SIPA1L1: variants seen among roughly 807,000 people sequenced by gnomAD.
SIPA1L1 encodes signal induced proliferation associated 1 like 1, also known as signal-induced proliferation-associated 1-like protein 1.
In SIPA1L1, 26 loss-of-function variants were observed where a neutral mutation model predicts 162.7. The observed-to-expected ratio is 0.16, with a 90% confidence interval of 0.12 to 0.22. The LOEUF is 0.22. Ranked by LOEUF, SIPA1L1 falls within the 10% of genes least tolerant of loss-of-function variation. The probability of loss-of-function intolerance (pLI) is 1.00; values close to 1 mark genes in which losing one functional copy is unlikely to be tolerated. For missense variants in SIPA1L1, 1,874 were observed against 2,241.0 expected, an observed-to-expected ratio of 0.84 and a Z score of 3.31; for synonymous variants, 829 against 837.4, an observed-to-expected ratio of 0.99 and a Z score of 0.17.
intron 2 of SIPA1L1, among the ~76,000 whole-genome samples, chr14:71,364,430 G>C (rs543208916): frequency 2.6e-5 from 4 of 151,910 alleles, no homozygotes; most frequent in African/African-American, 9.7e-5. Flanking sequence ...CATGACTGTC[G>C]TATAAATGGA....
chr14:71,446,142 C>T (rs1315366919), intron 2 of SIPA1L1, among the ~76,000 whole-genome samples: 4 of 152,142 alleles, frequency 2.6e-5, no homozygotes, highest in Non-Finnish European at 5.9e-5. Context: ...AGACACCATG[C>T]CTGGCTCACA....
intron 7 of SIPA1L1, among the ~76,000 whole-genome samples, chr14:71,646,821 C>T (rs2042212482): frequency 6.6e-6 from 1 of 151,834 alleles, no homozygotes. Context: ...GTCATCATAA[C>T]TCTATTTTGA....
At chr14:71,681,369 G>T (rs2045792226) in intron 12 of SIPA1L1, among the ~76,000 whole-genome samples, 1 of 152,176 alleles carries the variant, frequency 6.6e-6, no homozygotes, top group Non-Finnish European at 1.5e-5. Context: ...GTTCTGGATG[G>T]TATTGCATAG....
chr14:71,495,403 A>G (rs920719093), intron 2 of SIPA1L1, among the ~76,000 whole-genome samples: 11 of 151,238 alleles, frequency 7.3e-5, no homozygotes, highest in African/African-American at 2.7e-4. Context: ...ATTTGATGGC[A>G]TACTGTTTTT....
At chr14:71,473,389 G>A (rs2047615928) in intron 2 of SIPA1L1, among the ~76,000 whole-genome samples, 1 of 152,046 alleles carries the variant, frequency 6.6e-6, no homozygotes, top group Non-Finnish European at 1.5e-5. Context: ...CCAAGACAGT[G>A]GAACAAAGTG....
At chr14:71,666,596 G>A in intron 10 of SIPA1L1, among the ~76,000 whole-genome samples, 1 of 152,176 alleles carries the variant, frequency 6.6e-6, no homozygotes, top group Non-Finnish European at 1.5e-5. Flanking sequence ...ATATTAAACT[G>A]TGGTCAGTAG....
At chr14:71,400,456 G>T (rs1035105268) in intron 2 of SIPA1L1, among the ~76,000 whole-genome samples, 1 of 151,888 alleles carries the variant, frequency 6.6e-6, no homozygotes, top group Non-Finnish European at 1.5e-5. Context: ...TTCATGCTTT[G>T]CAAAGGAGCA....
At chr14:71,432,159 C>T (rs2044038069) in intron 2 of SIPA1L1, among the ~76,000 whole-genome samples, 2 of 152,098 alleles carry the variant, frequency 1.3e-5, no homozygotes, top group Admixed American at 6.6e-5. Context: ...ACTGCAGCCT[C>T]AAACTCTTGG....
chr14:71,380,577 C>G (rs2039807300), intron 2 of SIPA1L1, among the ~76,000 whole-genome samples: 1 of 152,162 alleles, frequency 6.6e-6, no homozygotes, highest in South Asian at 2.1e-4. Flanking sequence ...ATCTGGAGAA[C>G]AAGACTTTAA....
At chr14:71,578,189 G>A (rs1388642137) in intron 4 of SIPA1L1, among the ~76,000 whole-genome samples, 10 of 152,182 alleles carry the variant, frequency 6.6e-5, no homozygotes, top group African/African-American at 2.2e-4. Flanking sequence ...GATTACAGGC[G>A]TGAGCCACTG....
intron 12 of SIPA1L1, among the ~76,000 whole-genome samples, chr14:71,681,325 G>A (rs545618628): frequency 1.3e-5 from 2 of 152,294 alleles, no homozygotes; most frequent in East Asian, 3.9e-4. Flanking sequence ...GTGACAAGAT[G>A]AAAAGTACCT....
chr14:71,703,818 A>G (rs1002737638), intron 15 of SIPA1L1, among the ~76,000 whole-genome samples: 1 of 152,136 alleles, frequency 6.6e-6, no homozygotes, highest in Non-Finnish European at 1.5e-5. Flanking sequence ...GAAGGGATGG[A>G]AAGGGTAATT....
intron 2 of SIPA1L1, among the ~76,000 whole-genome samples, chr14:71,429,918 CA>C (rs145540669): frequency 0.023 from 3,570 of 152,288 alleles, 55 homozygotes; most frequent in Middle Eastern, 0.037. Context: ...TGAATAATTG[CA>C]GGTAAATTAC....
intron 5 of SIPA1L1, among the ~76,000 whole-genome samples, chr14:71,605,071 T>G (rs2037326565): frequency 6.6e-6 from 1 of 152,172 alleles, no homozygotes; most frequent in African/African-American, 2.4e-5. Context: ...CTTTGCATTT[T>G]TTTATTCTTT....
intron 3 of SIPA1L1, among the ~76,000 whole-genome samples, chr14:71,517,875 C>T (rs1219277426): frequency 1.3e-5 from 2 of 152,056 alleles, no homozygotes; most frequent in Non-Finnish European, 2.9e-5. Flanking sequence ...GAGTTATATA[C>T]TCTGGATACT....
intron 2 of SIPA1L1, among the ~76,000 whole-genome samples, chr14:71,410,820 A>G (rs1321896313): frequency 2.0e-5 from 3 of 152,130 alleles, no homozygotes; most frequent in Non-Finnish European, 4.4e-5. Flanking sequence ...TTTCTGTGAG[A>G]ACATTACATG....
intron 2 of SIPA1L1, among the ~76,000 whole-genome samples, chr14:71,326,211 CTTT>C (rs964178060): frequency 1.4e-5 from 2 of 142,326 alleles, no homozygotes; most frequent in Non-Finnish European, 1.5e-5. Context: ...CGACTTGCTT[CTTT>C]TTTTTTTTTT....
intron 2 of SIPA1L1, among the ~76,000 whole-genome samples, chr14:71,510,577 T>C (rs2051065235): frequency 6.6e-6 from 1 of 152,190 alleles, no homozygotes; most frequent in Non-Finnish European, 1.5e-5. Flanking sequence ...TTATCTGGCA[T>C]AGAATGTTTT....
intron 2 of SIPA1L1, among the ~76,000 whole-genome samples, chr14:71,467,427 T>G (rs1266367316): frequency 6.6e-6 from 1 of 152,200 alleles, no homozygotes; most frequent in East Asian, 1.9e-4. Context: ...AATAGCTAAT[T>G]TTGTCGTGCT....
Sources: gnomAD v4.1 joint callset for allele counts (sites outside exome capture counted in the v4.1 genomes callset) on GRCh38, gnomAD v4.1.1 for gene constraint, MANE v1.5 for transcripts, NCBI Gene and HGNC (gene_info 2026-07-23, HGNC 2026-07-21) for gene names.